Variants in DDX10 observed in about 807,000 individuals in gnomAD.
DDX10 encodes the protein DEAD-box helicase 10.
A neutral mutation model predicts 104.3 loss-of-function variants in DDX10; 74 were observed. The observed-to-expected ratio is 0.71, with a 90% CI of 0.59 to 0.86. The LOEUF is 0.86. Ranked by LOEUF, DDX10 falls within the 40% of genes least tolerant of loss-of-function variation. The probability of loss-of-function intolerance (pLI) is 0.00; values close to 1 mark genes in which losing one functional copy is unlikely to be tolerated. For synonymous variants in DDX10, 351 were observed against 353.4 expected (o/e 0.99, Z 0.08); for missense variants, 952 against 1,040.0 (o/e 0.92, Z 1.16).
rs774903122 is a variant in DDX10, at chr11:108,677,053, C to T, written c.379-32C>T. On this transcript the variant is annotated intron_variant, in intron 3 of 17. Coordinates refer to ENST00000322536, the MANE Select transcript of DDX10 (RefSeq NM_004398.4). ...AGGTCAAAAAGCTGACTTCTGATGA[C>T]TTACTGAACATGAATTTGCTGTCTT... The T allele has an allele frequency of 6.3e-6, 10 of 1,582,256 alleles. No homozygotes were observed. The Admixed American group carries it at 1.7e-4, about 27-fold the overall frequency.
intron 9 of DDX10, among the ~76,000 whole-genome samples, chr11:108,696,375 C>G (rs1252496323): frequency 6.6e-6 from 1 of 152,122 alleles, no homozygotes; most frequent in Non-Finnish European, 1.5e-5. Context: ...TGGCGTTTCA[C>G]CATGTTGGCC....
At chr11:108,893,022 G>C (rs778351431) in intron 16 of DDX10, among the ~76,000 whole-genome samples, 15 of 152,036 alleles carry the variant, frequency 9.9e-5, no homozygotes, top group Non-Finnish European at 1.9e-4. Flanking sequence ...CAGTCCTCTT[G>C]ATTTATTTTG....
At chr11:108,864,059 C>T (rs763865408) in intron 16 of DDX10, among the ~76,000 whole-genome samples, 2 of 152,168 alleles carry the variant, frequency 1.3e-5, no homozygotes, top group Admixed American at 6.5e-5. Context: ...AGTGGTGTTG[C>T]CTGCATTGCC....
chr11:108,687,769 A>G (rs532531316), intron 6 of DDX10, among the ~76,000 whole-genome samples: 12 of 152,330 alleles, frequency 7.9e-5, no homozygotes, highest in Non-Finnish European at 8.8e-5. Flanking sequence ...CAGATCAGAA[A>G]CATTTAATTT....
intron 16 of DDX10, among the ~76,000 whole-genome samples, chr11:108,882,822 ATGCTTTT>A (rs1863245446): frequency 6.6e-6 from 1 of 152,180 alleles, no homozygotes; most frequent in African/African-American, 2.4e-5. Context: ...ACACGATACT[ATGCTTTT>A]TGCTTTTGCT....
At chr11:108,667,899 T>C (rs1436611986) in intron 1 of DDX10, among the ~76,000 whole-genome samples, 1 of 152,196 alleles carries the variant, frequency 6.6e-6, no homozygotes, top group African/African-American at 2.4e-5. Context: ...ATGATTGGCT[T>C]CTTTAACTTT....
chr11:108,878,717 C>T (rs1473290770), intron 16 of DDX10, among the ~76,000 whole-genome samples: 1 of 151,902 alleles, frequency 6.6e-6, no homozygotes, highest in African/African-American at 2.4e-5. Context: ...TGAATACTTG[C>T]CTTCCTTTGT....
intron 1 of DDX10, 130 bp downstream of exon 1, chr11:108,665,469 G>A: frequency 9.4e-7 from 1 of 1,067,030 alleles, no homozygotes; most frequent in Non-Finnish European, 1.3e-6. Flanking sequence ...AGGTCACGCC[G>A]GGTGCCACAG....
intron 9 of DDX10, among the ~76,000 whole-genome samples, chr11:108,701,973 T>C (rs1214684032): frequency 1.3e-5 from 2 of 152,146 alleles, no homozygotes; most frequent in East Asian, 1.9e-4. Context: ...CGTGAACCAC[T>C]GCGCCTGGCC....
intron 16 of DDX10, among the ~76,000 whole-genome samples, chr11:108,887,634 G>T (rs1195452775): frequency 6.6e-6 from 1 of 151,334 alleles, no homozygotes; most frequent in Non-Finnish European, 1.5e-5. Flanking sequence ...ACAGCTTTTG[G>T]CCAGATGCAG....
intron 17 of DDX10, chr11:108,920,257 A>C (rs764982134): frequency 6.6e-6 from 1 of 152,244 alleles, no homozygotes; most frequent in Non-Finnish European, 1.5e-5. Context: ...AAGCATCTTA[A>C]CTTAAAGACA....
chr11:108,875,638 A>G (rs561145959), intron 16 of DDX10, among the ~76,000 whole-genome samples: 1 of 152,230 alleles, frequency 6.6e-6, no homozygotes, highest in African/African-American at 2.4e-5. Context: ...CCAGGAGAGC[A>G]GTTAGAAAAA....
intron 16 of DDX10, among the ~76,000 whole-genome samples, chr11:108,881,866 A>G (rs1015051183): frequency 2.6e-5 from 4 of 152,166 alleles, no homozygotes; most frequent in Non-Finnish European, 5.9e-5. Flanking sequence ...TATTTTAGAT[A>G]AATAGTCTAT....
intron 13 of DDX10, among the ~76,000 whole-genome samples, chr11:108,836,424 A>G (rs1336317890): frequency 6.6e-6 from 1 of 152,234 alleles, no homozygotes; most frequent in Non-Finnish European, 1.5e-5. Flanking sequence ...AAAATATAAT[A>G]CATTGATAAC....
chr11:108,874,304 G>A (rs985296189), intron 16 of DDX10, among the ~76,000 whole-genome samples: 1 of 152,108 alleles, frequency 6.6e-6, no homozygotes, highest in African/African-American at 2.4e-5. Context: ...CCCTCATGAG[G>A]GAAGTGTGCT....
chr11:108,876,033 G>A (rs1341536475), intron 16 of DDX10, among the ~76,000 whole-genome samples: 5 of 152,142 alleles, frequency 3.3e-5, no homozygotes, highest in African/African-American at 4.8e-5. Flanking sequence ...TATGTTCTCC[G>A]AGAATGTTAG....
chr11:108,727,855 A>G, intron 13 of DDX10: 1 of 205,978 alleles, frequency 4.9e-6, no homozygotes, highest in South Asian at 7.6e-5. Context: ...GGACACATAG[A>G]AAATACATGT....
intron 17 of DDX10, chr11:108,918,981 C>G (rs1000757777): frequency 1.3e-5 from 2 of 152,092 alleles, no homozygotes; most frequent in African/African-American, 4.8e-5. Flanking sequence ...AGGGTGTTTG[C>G]AGTTGGAGAA....
chr11:108,689,753 T>A (rs1339158258), intron 7 of DDX10, among the ~76,000 whole-genome samples: 1 of 152,204 alleles, frequency 6.6e-6, no homozygotes, highest in Non-Finnish European at 1.5e-5. Context: ...TCCTGTACTA[T>A]ATTTCAGATT....
Sources: allele counts gnomAD v4.1 joint callset (sites outside exome capture counted in the v4.1 genomes callset), GRCh38; gene constraint gnomAD v4.1.1; transcripts MANE v1.5; gene names NCBI Gene and HGNC (gene_info 2026-07-23, HGNC 2026-07-21).